The following DRGX variants were observed in gnomAD, a reference collection of about 807,000 sequenced individuals.
The protein encoded by DRGX is dorsal root ganglia homeobox protein.
Under a neutral mutation model 28.6 loss-of-function variants are expected in DRGX, and 21 were observed. The ratio of observed to expected loss-of-function variants is 0.73; its 90% CI spans 0.52 to 1.06. The LOEUF (loss-of-function observed/expected upper bound fraction) is 1.06. Among genes scored for constraint, DRGX ranks in the 50% least tolerant of loss-of-function variants. The pLI, the probability that DRGX is intolerant of heterozygous loss-of-function variation, is 0.00. For missense variants in DRGX, 354 were observed against 343.9 expected (o/e 1.03, Z -0.23); for synonymous variants, 136 against 139.1 (o/e 0.98, Z 0.16).
At chr10:49,379,149 C>T (rs1849747181) in intron 6 of DRGX, among the ~76,000 whole-genome samples, 1 of 152,176 alleles carries the variant, frequency 6.6e-6, no homozygotes, top group African/African-American at 2.4e-5. Flanking sequence ...CACTTCTGGT[C>T]CAACCACTGT....
At chr10:49,374,165 T>G (rs1849693210) in intron 6 of DRGX, among the ~76,000 whole-genome samples, 1 of 152,154 alleles carries the variant, frequency 6.6e-6, no homozygotes, top group Non-Finnish European at 1.5e-5. Context: ...GTTTGTGATT[T>G]CCTGTCTTCT....
rs1849660440 is a variant in DRGX at position 49,371,656 on chromosome 10, A to G, written c.527-5275T>C. On this transcript the variant is annotated intron_variant, in intron 6 of 6. Coordinates refer to ENST00000374139, the MANE Select transcript of DRGX (RefSeq NM_001276451.2). ...AAAATACAAAAATTAGCCAGGCATG[A>G]TGGTGTGCTCCTGTAATCCCAGGTA... Among the ~76,000 whole-genome samples the G allele has an allele frequency of 3.3e-5, 5 of 151,948 alleles. No individual in the cohort carries two copies. In the South Asian group the frequency reaches 1.0e-3, roughly 32 times the overall value.
chr10:49,377,349 A>G (rs1014115446), intron 6 of DRGX, among the ~76,000 whole-genome samples: 1 of 152,070 alleles, frequency 6.6e-6, no homozygotes, highest in Non-Finnish European at 1.5e-5. Context: ...AACAACAAAC[A>G]CCCCAACTCA....
At chr10:49,392,402 G>A (rs768734159) in intron 2 of DRGX, among the ~76,000 whole-genome samples, 20 of 152,190 alleles carry the variant, frequency 1.3e-4, no homozygotes, top group Non-Finnish European at 2.1e-4. Flanking sequence ...CTGCTAAAGC[G>A]TTCTCCTTCC....
At chr10:49,384,512 C>G (rs532355270) in intron 6 of DRGX, among the ~76,000 whole-genome samples, 117 of 152,338 alleles carry the variant, frequency 7.7e-4, no homozygotes, top group Admixed American at 1.4e-3. Context: ...AAGTCCATCT[C>G]CAGCAAGGCA....
At chr10:49,387,103 T>C (rs889723165) in intron 4 of DRGX, among the ~76,000 whole-genome samples, 1 of 152,246 alleles carries the variant, frequency 6.6e-6, no homozygotes, top group Non-Finnish European at 1.5e-5. Flanking sequence ...GTAAAAGCAC[T>C]GTCTTGTGGA....
At chr10:49,378,346 C>A (rs574424272) in intron 6 of DRGX, among the ~76,000 whole-genome samples, 29 of 152,260 alleles carry the variant, frequency 1.9e-4, no homozygotes, top group African/African-American at 6.7e-4. Context: ...ACATATTGCA[C>A]GATTCCATTC....
At chr10:49,369,184 G>T (rs977688458) in intron 6 of DRGX, among the ~76,000 whole-genome samples, 9 of 152,160 alleles carry the variant, frequency 5.9e-5, no homozygotes, top group Non-Finnish European at 1.3e-4. Flanking sequence ...CCCCAAGAAA[G>T]CTACCCATAA....
chr10:49,383,895 T>G (rs1408236542), intron 6 of DRGX, among the ~76,000 whole-genome samples: 1 of 152,244 alleles, frequency 6.6e-6, no homozygotes, highest in East Asian at 1.9e-4. Flanking sequence ...GGGCACTGTG[T>G]TATAGCAGCC....
chr10:49,369,104 A>AC (rs1248142406), intron 6 of DRGX, among the ~76,000 whole-genome samples: 2 of 152,212 alleles, frequency 1.3e-5, no homozygotes, highest in Non-Finnish European at 2.9e-5. Flanking sequence ...CATGTGCCAG[A>AC]CGTAGAAGTG....
chr10:49,380,293 C>A (rs1054860030), intron 6 of DRGX, among the ~76,000 whole-genome samples: 2 of 152,202 alleles, frequency 1.3e-5, no homozygotes, highest in African/African-American at 2.4e-5. Flanking sequence ...GCTAATGCAC[C>A]GAGGAGAGCA....
At chr10:49,395,300 G>T (rs1849954472) in intron 2 of DRGX, 107 bp downstream of exon 2, 8 of 1,401,412 alleles carry the variant, frequency 5.7e-6, no homozygotes, top group African/African-American at 1.4e-5. Context: ...AGGCGGCTGC[G>T]CCCCCCGCAG....
intron 2 of DRGX, among the ~76,000 whole-genome samples, chr10:49,392,025 A>G (rs1288304341): frequency 6.6e-6 from 1 of 152,230 alleles, no homozygotes; most frequent in South Asian, 2.1e-4. Context: ...AAAGAAAGAC[A>G]TTGTCCTCCC....
At chr10:49,384,745 G>A (rs1849813187) in intron 6 of DRGX, among the ~76,000 whole-genome samples, 2 of 152,180 alleles carry the variant, frequency 1.3e-5, no homozygotes, top group South Asian at 4.1e-4. Flanking sequence ...CACAAGCCCA[G>A]TTCTGTCTCC....
intron 6 of DRGX, among the ~76,000 whole-genome samples, chr10:49,376,073 G>T (rs1849712988): frequency 2.0e-5 from 3 of 152,140 alleles, no homozygotes; most frequent in Admixed American, 2.0e-4. Flanking sequence ...TCAATACAGG[G>T]TGTAGGGGGC....
chr10:49,394,368 C>T (rs1472825133), intron 2 of DRGX, among the ~76,000 whole-genome samples: 1 of 152,200 alleles, frequency 6.6e-6, no homozygotes, highest in East Asian at 1.9e-4. Flanking sequence ...CTCAGGTCTC[C>T]TAGCGCCTCA....
intron 1 of DRGX, 27 bp from the exon 2 acceptor site, chr10:49,395,548 C>CAGA (rs1159700499): frequency 7.4e-7 from 1 of 1,344,864 alleles, no homozygotes; most frequent in Admixed American, 2.0e-5. Flanking sequence ...GATAGAGCTT[C>CAGA]AAGTCTCCCT....
At chr10:49,393,556 T>G (rs1051259876) in intron 2 of DRGX, among the ~76,000 whole-genome samples, 5 of 152,340 alleles carry the variant, frequency 3.3e-5, no homozygotes, top group African/African-American at 1.2e-4. Context: ...CTTTTCTCCC[T>G]TATGCCTATC....
chr10:49,381,401 G>T (rs902332938), intron 6 of DRGX, among the ~76,000 whole-genome samples: 6 of 152,208 alleles, frequency 3.9e-5, no homozygotes, highest in African/African-American at 1.4e-4. Context: ...ACCCTTGCCC[G>T]GCTCCCTCTG....
Sources: gnomAD v4.1 joint callset for allele counts (sites outside exome capture counted in the v4.1 genomes callset) on GRCh38, gnomAD v4.1.1 for gene constraint, MANE v1.5 for transcripts, NCBI Gene and HGNC (gene_info 2026-07-23, HGNC 2026-07-21) for gene names.